Variants in TRIP4 observed in about 807,000 individuals in gnomAD.
TRIP4 encodes the protein thyroid hormone receptor interactor 4.
TRIP4 carries 54 observed loss-of-function variants against 81.8 expected under a neutral mutation model. That is an observed-to-expected ratio of 0.66 (90% CI 0.53 to 0.83). The LOEUF is 0.83. Ranked by LOEUF, TRIP4 falls within the 40% of genes least tolerant of loss-of-function variation. TRIP4 has a pLI of 0.00. For synonymous variants in TRIP4, 270 were observed against 242.8 expected (o/e 1.11, Z -1.04); for missense variants, 662 against 683.6 (o/e 0.97, Z 0.35).
chr15:64,393,504 AATG>A (rs1399274874), intron 1 of TRIP4: 1 of 151,858 alleles, frequency 6.6e-6, no homozygotes, highest in Non-Finnish European at 1.5e-5. Context: ...TTTCTCTTGT[AATG>A]ATAAGATGTT....
chr15:64,410,817 A>G (rs968596050), intron 7 of TRIP4, among the ~76,000 whole-genome samples: 8 of 152,212 alleles, frequency 5.3e-5, no homozygotes, highest in East Asian at 1.9e-4. Flanking sequence ...TCCATACTAT[A>G]TAAGTAAGAA....
chr15:64,447,807 G>A (rs1295531714), intron 12 of TRIP4, among the ~76,000 whole-genome samples: 1 of 152,152 alleles, frequency 6.6e-6, no homozygotes, highest in East Asian at 1.9e-4. Flanking sequence ...CACCTCCTGG[G>A]ATAAAGTAAT....
intron 11 of TRIP4, among the ~76,000 whole-genome samples, chr15:64,427,471 G>A (rs1338343009): frequency 1.3e-5 from 2 of 152,000 alleles, no homozygotes; most frequent in African/African-American, 4.8e-5. Context: ...TGCCTCCTGG[G>A]CTTAAGTGAT....
intron 12 of TRIP4, among the ~76,000 whole-genome samples, chr15:64,452,407 A>G (rs1892790305): frequency 6.6e-6 from 1 of 152,220 alleles, no homozygotes; most frequent in Non-Finnish European, 1.5e-5. Context: ...TAACCAGTAA[A>G]TATATATAAT....
At chr15:64,393,061 ATATAGCAC>A (rs1900181459) in intron 1 of TRIP4, among the ~76,000 whole-genome samples, 1 of 152,074 alleles carries the variant, frequency 6.6e-6, no homozygotes. Context: ...AAGTTAAAGG[ATATAGCAC>A]TATGGTAATA....
At chr15:64,413,020 C>T (rs892282148) in intron 7 of TRIP4, among the ~76,000 whole-genome samples, 4 of 152,006 alleles carry the variant, frequency 2.6e-5, no homozygotes, top group African/African-American at 9.7e-5. Flanking sequence ...CATTTTTGTT[C>T]TGGGCCAGTA....
At chr15:64,431,376 T>C (rs1451945558) in intron 11 of TRIP4, among the ~76,000 whole-genome samples, 1 of 152,016 alleles carries the variant, frequency 6.6e-6, no homozygotes, top group East Asian at 1.9e-4. Flanking sequence ...GAGTGAGATA[T>C]AGGGAATGTA....
chr15:64,396,019 C>T (rs1023606685), intron 3 of TRIP4, among the ~76,000 whole-genome samples: 3 of 151,928 alleles, frequency 2.0e-5, no homozygotes, highest in African/African-American at 7.3e-5. Flanking sequence ...AGCGATTCTC[C>T]TGCCTCAGCC....
chr15:64,403,703 G>A (rs1891562770), intron 5 of TRIP4, among the ~76,000 whole-genome samples: 1 of 151,870 alleles, frequency 6.6e-6, no homozygotes, highest in East Asian at 1.9e-4. Flanking sequence ...CTTTTAACTT[G>A]GTTTATTATA....
chr15:64,421,278 T>A (rs1235973955), intron 9 of TRIP4, among the ~76,000 whole-genome samples: 1 of 148,240 alleles, frequency 6.7e-6, no homozygotes, highest in Non-Finnish European at 1.5e-5. Flanking sequence ...TGAGACTCCA[T>A]CTGAAAAAAA....
chr15:64,397,967 C>T, intron 4 of TRIP4, 149 bp downstream of exon 4: 1 of 814,456 alleles, frequency 1.2e-6, no homozygotes, highest in Non-Finnish European at 1.9e-6. Flanking sequence ...GTGGCACGAT[C>T]TCGGCTCGCT....
intron 12 of TRIP4, among the ~76,000 whole-genome samples, chr15:64,454,125 T>G (rs1480677607): frequency 6.6e-6 from 1 of 152,112 alleles, no homozygotes; most frequent in Non-Finnish European, 1.5e-5. Context: ...GTTTTTTTTT[T>G]TTGTTTTCTT....
At chr15:64,437,601 T>C (rs1300407049) in intron 11 of TRIP4, among the ~76,000 whole-genome samples, 4 of 150,390 alleles carry the variant, frequency 2.7e-5, no homozygotes, top group African/African-American at 4.9e-5. Flanking sequence ...CAAGCGATTC[T>C]CCTGCCTCAG....
In TRIP4 at chr15:64,393,898, CA is replaced by C. The variant is rs374610419; in HGVS notation, c.102-47del. ...GATCTCTGTTAAGATTACTGAGAAACAGTGTAAGTTAGTCTTGTTTCAACAA... is the reference window on the plus strand; with the variant it reads ...GATCTCTGTTAAGATTACTGAGAAACGTGTAAGTTAGTCTTGTTTCAACAA... On this transcript the variant is annotated intron_variant, in intron 1 of 12. Coordinates refer to ENST00000261884, the MANE Select transcript of TRIP4 (RefSeq NM_016213.5). 0.01 allele frequency: 15,312 copies of C among 1,488,212 alleles called. 106 individuals carry two copies. The highest frequency in any genetic ancestry group is 0.012 in the Non-Finnish European group (13,526 of 1,114,298). 92.2% of individuals were successfully genotyped at this position (1,488,212 alleles called of 1,614,324 possible).
At chr15:64,442,223 C>T (rs911084826) in intron 11 of TRIP4, among the ~76,000 whole-genome samples, 16 of 151,022 alleles carry the variant, frequency 1.1e-4, no homozygotes, top group Admixed American at 8.6e-4. Context: ...TTAGTTCTGG[C>T]GGCTGTGTTG....
chr15:64,444,913 G>A, intron 11 of TRIP4, 93 bp from the exon 12 acceptor site: 1 of 680,126 alleles, frequency 1.5e-6, no homozygotes, highest in Non-Finnish European at 2.6e-6. Context: ...AGTATCATCA[G>A]AATGTTGAGG....
rs1891938824 is a variant in TRIP4 at position 64,418,591 on chromosome 15, A to G, written c.1221A>G (p.Ser407=). The G allele has an allele frequency of 6.2e-7, 1 of 1,613,452 alleles. No homozygotes were observed. Among genetic ancestry groups the G allele is most frequent in the African/African-American group, 1.3e-5 (1 of 74,920 alleles). The change falls in exon 9 of 13, where the codon TCA becomes TCG. Residue 407 remains serine, a synonymous_variant. Coordinates refer to ENST00000261884, the MANE Select transcript of TRIP4 (RefSeq NM_016213.5). ...CACAGAAGAAGGCTTTCCGTTCTTC[A>G]GGATTTGGACTAGAGTTCAACTCAT... ...AASQKKAFRS[S]GFGLEFNSFQ...
chr15:64,413,107 G>C (rs984032700), intron 7 of TRIP4, among the ~76,000 whole-genome samples: 1 of 152,128 alleles, frequency 6.6e-6, no homozygotes, highest in Non-Finnish European at 1.5e-5. Context: ...AGAAAGGACT[G>C]CTGAGCAGAC....
At chr15:64,441,825 T>G (rs1265100786) in intron 11 of TRIP4, among the ~76,000 whole-genome samples, 1 of 151,958 alleles carries the variant, frequency 6.6e-6, no homozygotes, top group Non-Finnish European at 1.5e-5. Context: ...AGTTTAAGAG[T>G]GCCAAGTTTG....
Sources: allele counts gnomAD v4.1 joint callset (sites outside exome capture counted in the v4.1 genomes callset), GRCh38; gene constraint gnomAD v4.1.1; transcripts MANE v1.5; gene names NCBI Gene and HGNC (gene_info 2026-07-23, HGNC 2026-07-21).